Variants in ADAMTSL1 observed in about 807,000 individuals in gnomAD.
The protein encoded by ADAMTSL1 is ADAMTS like 1.
Under a neutral mutation model 201.8 loss-of-function variants are expected in ADAMTSL1, and 126 were observed. The ratio of observed to expected loss-of-function variants is 0.62; its 90% CI spans 0.54 to 0.72. The LOEUF is 0.72. Ranked by LOEUF, ADAMTSL1 falls within the 30% of genes least tolerant of loss-of-function variation. The pLI is 0.00. For missense variants in ADAMTSL1, 2,679 were observed against 2,277.8 expected, an observed-to-expected ratio of 1.18 and a Z score of -3.59; for synonymous variants, 1,121 against 903.4, an observed-to-expected ratio of 1.24 and a Z score of -4.32.
chr9:18,183,031 C>T (rs1384623062), intron 2 of ADAMTSL1, among the ~76,000 whole-genome samples: 2 of 152,156 alleles, frequency 1.3e-5, no homozygotes, highest in African/African-American at 4.8e-5. Context: ...CCATTAATTC[C>T]TATATGTTAT....
In ADAMTSL1 at chr9:18,887,901, C is replaced by T; in HGVS notation, c.4320C>T (p.Ala1440=). Residue 1440 remains alanine (A), a synonymous_variant, in exon 24 of 29, where the codon GCC becomes GCT. Coordinates refer to ENST00000380548, the MANE Select transcript of ADAMTSL1 (RefSeq NM_001040272.6). ...WFHGGQPIVT[A]TGLTHHILAA... Reference sequence around the variant, plus strand: ...ATGGTGGTCAGCCAATTGTCACTGCCACAGGACTGACGCATCACATCTTGG... The same window carrying T: ...ATGGTGGTCAGCCAATTGTCACTGCTACAGGACTGACGCATCACATCTTGG... 6.2e-7 allele frequency: 1 copy of T among 1,614,010 alleles called. No individual in the cohort carries two copies. The highest frequency in any genetic ancestry group is 8.5e-7 in the Non-Finnish European group (1 of 1,179,896).
chr9:18,879,705 T>G (rs916283100), intron 23 of ADAMTSL1, among the ~76,000 whole-genome samples: 1 of 152,268 alleles, frequency 6.6e-6, no homozygotes, highest in Non-Finnish European at 1.5e-5. Context: ...TTTTTGCTGG[T>G]GGAGGGTCTT....
intron 2 of ADAMTSL1, among the ~76,000 whole-genome samples, chr9:18,456,196 G>C (rs1820595370): frequency 6.6e-6 from 1 of 152,086 alleles, no homozygotes; most frequent in Non-Finnish European, 1.5e-5. Flanking sequence ...CAGCTTTCAA[G>C]TTTTTCATAC....
At position 18,829,992 on chromosome 9, in the gene ADAMTSL1, C is replaced by T. The variant is rs12685343; in HGVS notation, c.4249+15C>T. 4,402 of 1,596,858 alleles carry T rather than the reference C, an allele frequency of 2.8e-3. 83 individuals are homozygous for T. In the East Asian group the frequency reaches 0.051, roughly 19 times the overall value. On this transcript the variant is annotated intron_variant, in intron 23 of 28. Coordinates refer to ENST00000380548, the MANE Select transcript of ADAMTSL1 (RefSeq NM_001040272.6). Reference sequence around the variant, plus strand: ...TGCTCTCCTTGGTGAGTCTAACCCTCGGAAACATTGGGCAGAAAGCCAGGA... The same window carrying T: ...TGCTCTCCTTGGTGAGTCTAACCCTTGGAAACATTGGGCAGAAAGCCAGGA...
intron 4 of ADAMTSL1, among the ~76,000 whole-genome samples, chr9:18,581,914 C>G (rs1230274190): frequency 2.6e-5 from 4 of 152,228 alleles, no homozygotes; most frequent in South Asian, 4.1e-4. Context: ...ATCTGTGCCT[C>G]AGACCTAAGA....
At chr9:18,171,478 A>G (rs1026533155) in intron 2 of ADAMTSL1, among the ~76,000 whole-genome samples, 1 of 152,118 alleles carries the variant, frequency 6.6e-6, no homozygotes, top group Non-Finnish European at 1.5e-5. Flanking sequence ...TCCATAAACA[A>G]GGTAAAAGGA....
intron 2 of ADAMTSL1, among the ~76,000 whole-genome samples, chr9:18,243,819 T>A (rs1335111343): frequency 6.6e-6 from 1 of 152,072 alleles, no homozygotes; most frequent in Non-Finnish European, 1.5e-5. Flanking sequence ...CTTCATAGCC[T>A]GAAATTGAAC....
intron 4 of ADAMTSL1, among the ~76,000 whole-genome samples, chr9:18,595,886 G>C (rs1318447653): frequency 6.6e-6 from 1 of 152,252 alleles, no homozygotes; most frequent in Admixed American, 6.5e-5. Flanking sequence ...GCTGGGTATT[G>C]GTCTGCACTC....
chr9:18,899,156 G>C (rs371732784), intron 26 of ADAMTSL1, among the ~76,000 whole-genome samples: 25 of 152,160 alleles, frequency 1.6e-4, no homozygotes, highest in African/African-American at 5.8e-4. Context: ...ACCAACAACA[G>C]GCAAGCAGAG....
At chr9:18,130,782 G>C (rs1404243902) in intron 1 of ADAMTSL1, among the ~76,000 whole-genome samples, 1 of 151,956 alleles carries the variant, frequency 6.6e-6, no homozygotes, top group Non-Finnish European at 1.5e-5. Context: ...AACTCCCTTA[G>C]GATGCCGTGA....
chr9:18,224,799 T>C (rs1282006144), intron 2 of ADAMTSL1, among the ~76,000 whole-genome samples: 4 of 152,136 alleles, frequency 2.6e-5, no homozygotes, highest in African/African-American at 9.7e-5. Context: ...AATAGTGATA[T>C]AGCTGGGATT....
chr9:18,498,340 T>C (rs1295922320), intron 1 of ADAMTSL1, among the ~76,000 whole-genome samples: 38 of 145,518 alleles, frequency 2.6e-4, no homozygotes, highest in African/African-American at 7.3e-4. Flanking sequence ...CCCACCCCCT[T>C]TTTTTTTTTT....
intron 2 of ADAMTSL1, among the ~76,000 whole-genome samples, chr9:18,287,438 ATATG>A (rs1395433632): frequency 2.0e-5 from 3 of 151,738 alleles, no homozygotes; most frequent in Non-Finnish European, 2.9e-5. Flanking sequence ...ATTTCTACAT[ATATG>A]TATGTGTATT....
At chr9:18,498,332 C>T (rs958449222) in intron 1 of ADAMTSL1, among the ~76,000 whole-genome samples, 1 of 148,254 alleles carries the variant, frequency 6.7e-6, no homozygotes, top group African/African-American at 2.5e-5. Context: ...ATGTTCCCCC[C>T]ACCCCCTTTT....
intron 1 of ADAMTSL1, among the ~76,000 whole-genome samples, chr9:18,044,605 G>C (rs1821578909): frequency 6.6e-6 from 1 of 152,170 alleles, no homozygotes; most frequent in Non-Finnish European, 1.5e-5. Flanking sequence ...AGTGTGAAAA[G>C]ATTCAAAGAT....
chr9:17,975,001 C>T (rs1818385409), intron 1 of ADAMTSL1, among the ~76,000 whole-genome samples: 1 of 151,708 alleles, frequency 6.6e-6, no homozygotes, highest in Admixed American at 6.6e-5. Flanking sequence ...CAAAGTTTCC[C>T]TTTTTTTTCA....
At chr9:18,682,386 C>A (rs1427240492) in intron 12 of ADAMTSL1, among the ~76,000 whole-genome samples, 1 of 152,232 alleles carries the variant, frequency 6.6e-6, no homozygotes, top group East Asian at 1.9e-4. Context: ...ACTGATGAAA[C>A]AGAAAACTGT....
At chr9:18,204,545 C>T (rs1379848139) in intron 2 of ADAMTSL1, among the ~76,000 whole-genome samples, 1 of 152,092 alleles carries the variant, frequency 6.6e-6, no homozygotes, top group South Asian at 2.1e-4. Flanking sequence ...ATAGTATGCA[C>T]TTGAGAAATT....
rs74990072 is a variant in ADAMTSL1 at position 18,442,420 on chromosome 9, G to A, written c.208-62409G>A. Among the ~76,000 whole-genome samples, 345 of 152,224 alleles carry A rather than the reference G, an allele frequency of 2.3e-3. 7 individuals carry two copies. The East Asian group carries it at 0.046, about 20-fold the overall frequency. On this transcript the variant is annotated intron_variant, in intron 2 of 29. Transcript: ENST00000680146. ...GATGTGGACTTGTAAAGGTTAAGTCGTATCTTCTATGCAGACTTTCAAAGG... is the reference window on the plus strand; with the variant it reads ...GATGTGGACTTGTAAAGGTTAAGTCATATCTTCTATGCAGACTTTCAAAGG...
Sources: allele counts gnomAD v4.1 joint callset (sites outside exome capture counted in the v4.1 genomes callset), GRCh38; gene constraint gnomAD v4.1.1; transcripts MANE v1.5; gene names NCBI Gene and HGNC (gene_info 2026-07-23, HGNC 2026-07-21).